LRRC4C: variants seen among roughly 807,000 people sequenced by gnomAD.
The protein encoded by LRRC4C is leucine-rich repeat-containing protein 4C.
LRRC4C carries 5 observed loss-of-function variants against 33.6 expected under a neutral mutation model. The ratio of observed to expected loss-of-function variants is 0.15; its 90% CI spans 0.08 to 0.31. LRRC4C has a LOEUF of 0.31. LRRC4C is among the 10% of genes least tolerant of loss of function. LRRC4C has a pLI of 1.00. For synonymous variants in LRRC4C, 329 were observed against 302.0 expected, an observed-to-expected ratio of 1.09 and a Z score of -0.93; for missense variants, 560 against 796.7, an observed-to-expected ratio of 0.70 and a Z score of 3.58.
chr11:40,414,848 CTTTTTA>C (rs1225347365), intron 3 of LRRC4C, among the ~76,000 whole-genome samples: 1 of 152,040 alleles, frequency 6.6e-6, no homozygotes, highest in African/African-American at 2.4e-5. Flanking sequence ...CCTATTGATT[CTTTTTA>C]TAACTAAGGT....
intron 2 of LRRC4C, among the ~76,000 whole-genome samples, chr11:40,649,031 G>T (rs138445183): frequency 6.6e-6 from 1 of 152,218 alleles, no homozygotes; most frequent in South Asian, 2.1e-4. Context: ...GCAAAAAGGA[G>T]AACAAAGATC....
At chr11:40,801,912 T>C (rs1009935539) in intron 2 of LRRC4C, among the ~76,000 whole-genome samples, 6 of 152,158 alleles carry the variant, frequency 3.9e-5, no homozygotes, top group South Asian at 2.1e-4. Context: ...GAAGGGAGAA[T>C]CTAAATTAAA....
intron 1 of LRRC4C, among the ~76,000 whole-genome samples, chr11:40,945,793 T>A (rs1240870105): frequency 6.6e-6 from 1 of 152,152 alleles, no homozygotes; most frequent in Non-Finnish European, 1.5e-5. Flanking sequence ...TATCAAACAG[T>A]ACAAACCACA....
chr11:40,908,094 A>T (rs780218791), intron 2 of LRRC4C, among the ~76,000 whole-genome samples: 3 of 152,160 alleles, frequency 2.0e-5, no homozygotes, highest in Non-Finnish European at 4.4e-5. Flanking sequence ...TAGTCACTAC[A>T]GTTGAATAAA....
At chr11:40,439,097 A>ATTTT (rs200541047) in intron 3 of LRRC4C, among the ~76,000 whole-genome samples, 58 of 134,722 alleles carry the variant, frequency 4.3e-4, no homozygotes, top group African/African-American at 1.4e-3. Flanking sequence ...CCCCCAGCTA[A>ATTTT]TTTTTTTTTT....
Position 41,233,043 on chromosome 11 carries a change from A to C in LRRC4C, c.-496+226388T>G, listed in dbSNP as rs910520325. On this transcript the variant is annotated intron_variant, in intron 1 of 6. Coordinates refer to ENST00000528697, the MANE Select transcript of LRRC4C (RefSeq NM_001258419.2). The stretch of plus-strand genomic sequence containing the variant: ...CATTGACAACGTGTCCCAGAAATAA[A>C]AGCTAAGTAAAACCATTATATTTCT... Among the ~76,000 whole-genome samples the C allele has an allele frequency of 3.3e-5, 5 of 152,100 alleles. No individual in the cohort carries two copies. The South Asian group carries it at 1.0e-3, about 31-fold the overall frequency.
At chr11:40,796,652 T>TA (rs1347232878) in intron 2 of LRRC4C, among the ~76,000 whole-genome samples, 1 of 133,464 alleles carries the variant, frequency 7.5e-6, no homozygotes, top group Non-Finnish European at 1.5e-5. Context: ...TTTTTTTTTT[T>TA]TTTTTTTATT....
intron 4 of LRRC4C, among the ~76,000 whole-genome samples, chr11:40,258,162 C>T (rs1049489382): frequency 6.6e-6 from 1 of 152,142 alleles, no homozygotes; most frequent in Admixed American, 6.6e-5. Context: ...ACAGGTACAA[C>T]TGCAGTAGGG....
At chr11:40,397,436 A>T (rs1949586599) in intron 3 of LRRC4C, among the ~76,000 whole-genome samples, 1 of 152,148 alleles carries the variant, frequency 6.6e-6, no homozygotes, top group Non-Finnish European at 1.5e-5. Flanking sequence ...CGTTTTAAAA[A>T]CTTAGAGACT....
At chr11:41,279,831 T>C (rs1378013348) in intron 1 of LRRC4C, among the ~76,000 whole-genome samples, 2 of 152,020 alleles carry the variant, frequency 1.3e-5, no homozygotes, top group African/African-American at 4.8e-5. Flanking sequence ...GGGTCCTTGA[T>C]CTATAAAATG....
At chr11:41,021,360 A>G (rs1358853307) in intron 1 of LRRC4C, among the ~76,000 whole-genome samples, 2 of 151,990 alleles carry the variant, frequency 1.3e-5, no homozygotes, top group Non-Finnish European at 2.9e-5. Context: ...CTAGCTCTAG[A>G]GTTCTCCTTT....
chr11:40,679,606 G>A (rs912160998), intron 2 of LRRC4C, among the ~76,000 whole-genome samples: 3 of 152,178 alleles, frequency 2.0e-5, no homozygotes, highest in African/African-American at 7.2e-5. Context: ...AGGGGCCAAG[G>A]TACAGCTTGG....
In LRRC4C at chr11:41,228,292, TAGAC is replaced by T. The variant is rs1477877621; in HGVS notation, c.-496+231135_-496+231138del. 5.9e-5 allele frequency among the ~76,000 whole-genome samples: 9 copies of T among 152,184 alleles called. 1 individual carries two copies. The highest frequency in any genetic ancestry group is 5.8e-4 in the East Asian group (3 of 5,172). ...GATCAATGATAGAGAGAGAGAGAGA[TAGAC>T]AGACAATCTATAGATTCTAATTCTC... is the stretch of plus-strand genomic sequence containing the variant. On this transcript the variant is annotated intron_variant, in intron 1 of 6. Coordinates refer to ENST00000528697, the MANE Select transcript of LRRC4C (RefSeq NM_001258419.2).
chr11:40,592,774 T>G (rs1253910592), intron 3 of LRRC4C, among the ~76,000 whole-genome samples: 2 of 152,172 alleles, frequency 1.3e-5, no homozygotes, highest in African/African-American at 4.8e-5. Context: ...TCCATGGCTG[T>G]GATCTAGTGA....
chr11:41,219,243 C>T (rs375025111), intron 1 of LRRC4C, among the ~76,000 whole-genome samples: 22 of 152,022 alleles, frequency 1.4e-4, no homozygotes, highest in African/African-American at 2.7e-4. Context: ...AACAAAATTA[C>T]AAAAATTCCT....
intron 5 of LRRC4C, among the ~76,000 whole-genome samples, chr11:40,185,778 G>C (rs901588050): frequency 6.6e-6 from 1 of 152,106 alleles, no homozygotes; most frequent in Non-Finnish European, 1.5e-5. Flanking sequence ...GATACCTGAG[G>C]TCTTGCATGA....
At chr11:40,573,336 A>G (rs1275255162) in intron 3 of LRRC4C, among the ~76,000 whole-genome samples, 1 of 152,092 alleles carries the variant, frequency 6.6e-6, no homozygotes, top group Admixed American at 6.6e-5. Context: ...ATCTTCTCTT[A>G]ATTGGTTTAG....
chr11:41,395,793 C>T (rs1334976928), intron 1 of LRRC4C, among the ~76,000 whole-genome samples: 1 of 152,020 alleles, frequency 6.6e-6, no homozygotes, highest in African/African-American at 2.4e-5. Context: ...GAGTCCATCT[C>T]TTCTTTCACT....
chr11:41,239,511 C>A (rs562610276), intron 1 of LRRC4C, among the ~76,000 whole-genome samples: 1 of 152,162 alleles, frequency 6.6e-6, no homozygotes, highest in Non-Finnish European at 1.5e-5. Context: ...GGCCTTTGAA[C>A]TGGCTATTCC....
Sources: gnomAD v4.1 joint callset for allele counts (sites outside exome capture counted in the v4.1 genomes callset) on GRCh38, gnomAD v4.1.1 for gene constraint, MANE v1.5 for transcripts, NCBI Gene and HGNC (gene_info 2026-07-23, HGNC 2026-07-21) for gene names.